PRKACB: variants seen among roughly 807,000 people sequenced by gnomAD.
PRKACB encodes cAMP-dependent protein kinase catalytic subunit beta.
PRKACB carries 16 observed loss-of-function variants against 51.4 expected under a neutral mutation model. The observed-to-expected ratio is 0.31, with a 90% CI of 0.21 to 0.47. The LOEUF (loss-of-function observed/expected upper bound fraction) is 0.47. Among genes scored for constraint, PRKACB ranks in the 20% least tolerant of loss-of-function variants. PRKACB has a pLI of 1.00. For missense variants in PRKACB, 309 were observed against 464.5 expected (o/e 0.67, Z 3.08); for synonymous variants, 147 against 154.4 (o/e 0.95, Z 0.35).
chr1:84,224,472 C>A (rs150325823), intron 9 of PRKACB, among the ~76,000 whole-genome samples: 3 of 152,308 alleles, frequency 2.0e-5, no homozygotes, highest in East Asian at 3.9e-4. Context: ...ATTGGGCAAG[C>A]CAGACCCTAA....
chr1:84,166,089 CTG>C (rs1329999732), intron 1 of PRKACB, among the ~76,000 whole-genome samples: 1 of 151,586 alleles, frequency 6.6e-6, no homozygotes, highest in Non-Finnish European at 1.5e-5. Flanking sequence ...CTCTTAAACA[CTG>C]TTATATATTT....
At chr1:84,217,648 A>G (rs1371221168) in intron 9 of PRKACB, among the ~76,000 whole-genome samples, 1 of 152,154 alleles carries the variant, frequency 6.6e-6, no homozygotes, top group East Asian at 1.9e-4. Flanking sequence ...AAAAAGAATT[A>G]GCCAGGTGTG....
intron 1 of PRKACB, among the ~76,000 whole-genome samples, chr1:84,086,988 T>C (rs1285863672): frequency 6.6e-6 from 1 of 152,232 alleles, no homozygotes; most frequent in Non-Finnish European, 1.5e-5. Context: ...AATTTATGAA[T>C]CACTGTACTG....
At chr1:84,143,074 T>C (rs1653581326), upstream of PRKACB, among the ~76,000 whole-genome samples, 1 of 152,014 alleles carries the variant, frequency 6.6e-6, no homozygotes, top group Admixed American at 6.6e-5. Flanking sequence ...AAACAAGTAC[T>C]CAAAATTTTT....
chr1:84,208,937 G>A (rs748291927), intron 8 of PRKACB, among the ~76,000 whole-genome samples: 1 of 152,114 alleles, frequency 6.6e-6, no homozygotes, highest in Non-Finnish European at 1.5e-5. Flanking sequence ...GAAATAGCTT[G>A]GTAGAATTTT....
chr1:84,115,996 T>C (rs961152205), intron 1 of PRKACB, among the ~76,000 whole-genome samples: 1 of 151,534 alleles, frequency 6.6e-6, no homozygotes, highest in Non-Finnish European at 1.5e-5. Flanking sequence ...TGGTCTTACA[T>C]AGTCTGTAAT....
intron 5 of PRKACB, among the ~76,000 whole-genome samples, chr1:84,192,124 G>T (rs1156840397): frequency 6.6e-6 from 1 of 151,976 alleles, no homozygotes; most frequent in Non-Finnish European, 1.5e-5. Context: ...TTTATAAAAA[G>T]AGTTAGATCC....
intron 1 of PRKACB, among the ~76,000 whole-genome samples, chr1:84,098,979 A>G (rs1377908018): frequency 6.6e-6 from 1 of 152,132 alleles, no homozygotes; most frequent in Admixed American, 6.6e-5. Flanking sequence ...AGTGAGCTAA[A>G]AAGATAGAAC....
rs999816385 is a variant in PRKACB, at chr1:84,167,473, C to T, written c.188-11704C>T. Among the ~76,000 whole-genome samples the T allele has an allele frequency of 6.6e-5, 10 of 151,576 alleles. No individual in the cohort carries two copies. The East Asian group carries it at 1.4e-3, about 21-fold the overall frequency. ...AATTTAGAGAACCAGTCATTACCTC[C>T]GACACTGACCCTGTGGAATTAGGTG... On this transcript the variant is annotated intron_variant, in intron 1 of 9. Transcript: ENST00000370685.
At chr1:84,092,609 G>A (rs1194664628) in intron 1 of PRKACB, among the ~76,000 whole-genome samples, 1 of 152,140 alleles carries the variant, frequency 6.6e-6, no homozygotes, top group Non-Finnish European at 1.5e-5. Flanking sequence ...AGAGAATGAT[G>A]TTGAATTAAT....
intron 1 of PRKACB, among the ~76,000 whole-genome samples, chr1:84,113,787 G>A (rs1020490954): frequency 5.3e-5 from 8 of 152,150 alleles, no homozygotes; most frequent in African/African-American, 1.9e-4. Context: ...AAAAGGAAAG[G>A]CAAATCTGTA....
chr1:84,160,022 A>C (rs1655990312), intron 1 of PRKACB, among the ~76,000 whole-genome samples: 1 of 151,868 alleles, frequency 6.6e-6, no homozygotes, highest in South Asian at 2.1e-4. Flanking sequence ...TTTGCAATGG[A>C]TATTGGTCTG....
chr1:84,157,572 A>G (rs1040302404), intron 1 of PRKACB, among the ~76,000 whole-genome samples: 4 of 152,102 alleles, frequency 2.6e-5, no homozygotes, highest in Non-Finnish European at 5.9e-5. Context: ...CTCTCACCTC[A>G]ATCTCAGATA....
intron 1 of PRKACB, among the ~76,000 whole-genome samples, chr1:84,087,952 G>C (rs538525114): frequency 3.3e-5 from 5 of 152,218 alleles, no homozygotes; most frequent in Admixed American, 3.3e-4. Flanking sequence ...GTAGCTTATA[G>C]TCTGGTAAAA....
At chr1:84,179,736 C>T (rs143568659) in intron 2 of PRKACB, among the ~76,000 whole-genome samples, 29 of 151,764 alleles carry the variant, frequency 1.9e-4, no homozygotes, top group African/African-American at 6.0e-4. Context: ...ATATAAAAAA[C>T]CATCTATACT....
chr1:84,226,971 G>A (rs1437708014), intron 9 of PRKACB, among the ~76,000 whole-genome samples: 2 of 152,084 alleles, frequency 1.3e-5, no homozygotes, highest in Non-Finnish European at 2.9e-5. Context: ...TTAGTGTGAT[G>A]AATTATATGA....
intron 1 of PRKACB, among the ~76,000 whole-genome samples, chr1:84,083,738 A>G (rs1311507947): frequency 6.6e-6 from 1 of 152,122 alleles, no homozygotes; most frequent in Non-Finnish European, 1.5e-5. Context: ...TTCTTAGTGA[A>G]TAACATTGTG....
intron 1 of PRKACB, among the ~76,000 whole-genome samples, chr1:84,106,976 A>C (rs1223929855): frequency 6.6e-6 from 1 of 152,092 alleles, no homozygotes; most frequent in Non-Finnish European, 1.5e-5. Context: ...GGAGAGGTTC[A>C]GAAGAGAAAG....
intron 9 of PRKACB, among the ~76,000 whole-genome samples, chr1:84,217,506 T>G (rs1476287430): frequency 6.6e-6 from 1 of 152,076 alleles, no homozygotes; most frequent in African/African-American, 2.4e-5. Context: ...ACAATTGTTT[T>G]AAAACAGGCC....
Sources: allele counts gnomAD v4.1 joint callset (sites outside exome capture counted in the v4.1 genomes callset), GRCh38; gene constraint gnomAD v4.1.1; transcripts MANE v1.5; gene names NCBI Gene and HGNC (gene_info 2026-07-23, HGNC 2026-07-21).